The following ABR variants were observed in gnomAD, a reference collection of about 807,000 sequenced individuals.
ABR encodes the protein ABR activator of RhoGEF and GTPase.
A neutral mutation model predicts 107.2 loss-of-function variants in ABR; 35 were observed. The observed-to-expected ratio is 0.33, with a 90% CI of 0.25 to 0.43. The LOEUF is 0.43. ABR is among the 20% of genes least tolerant of loss of function. The probability of loss-of-function intolerance (pLI) is 1.00; values close to 1 mark genes in which losing one functional copy is unlikely to be tolerated. For synonymous variants in ABR, 498 were observed against 462.0 expected, an observed-to-expected ratio of 1.08 and a Z score of -1.00; for missense variants, 815 against 1,115.2, an observed-to-expected ratio of 0.73 and a Z score of 3.83.
chr17:1,055,679 C>T (rs1028475394), intron 14 of ABR: 5 of 195,846 alleles, frequency 2.6e-5, no homozygotes, highest in Non-Finnish European at 5.4e-5. Context: ...AGGCGTCCAC[C>T]GCCATGCCCA....
intron 1 of ABR, chr17:1,153,834 G>C (rs979988938): frequency 1.4e-5 from 3 of 219,522 alleles, no homozygotes; most frequent in African/African-American, 4.8e-5. Context: ...CAGGTCTACC[G>C]AACCTGTCAG....
rs1184149080 is a variant in ABR at position 1,210,681 on chromosome 17, G to T, written c.838+18112C>A. Reference sequence around the variant, plus strand: ...CTGTTTCCTCTCTCTCTGCTTCCTGGCTCCTAACACAAAAGGATTACTTTA... The same window carrying T: ...CTGTTTCCTCTCTCTCTGCTTCCTGTCTCCTAACACAAAAGGATTACTTTA... On this transcript the variant is annotated intron_variant, in intron 1 of 22. Coordinates refer to the ABR transcript ENST00000574139. This position sits in a 1 kb window ranked among gnomAD's most constrained non-coding sequence, Gnocchi z 5.6. Among the ~76,000 whole-genome samples the T allele has an allele frequency of 1.3e-4, 20 of 152,076 alleles. No individual in the cohort carries two copies. The highest frequency in any genetic ancestry group is 1.5e-5 in the Non-Finnish European group (1 of 68,038).
At chr17:1,222,503 A>T (rs2043137301) in intron 1 of ABR, among the ~76,000 whole-genome samples, 1 of 152,218 alleles carries the variant, frequency 6.6e-6, no homozygotes, top group Non-Finnish European at 1.5e-5. Flanking sequence ...TCCTAGAGCA[A>T]CAATCTCATT....
chr17:1,165,983 G>A (rs1389235379), intron 1 of ABR, among the ~76,000 whole-genome samples: 9 of 72,220 alleles, frequency 1.2e-4, no homozygotes, highest in Non-Finnish European at 2.4e-4. Context: ...CCCACCCCCC[G>A]GAGTGTCCGC....
At chr17:1,054,946 G>A (rs2033090054) in intron 14 of ABR, among the ~76,000 whole-genome samples, 1 of 152,126 alleles carries the variant, frequency 6.6e-6, no homozygotes. Context: ...GAGAGAGTCA[G>A]GGTTTCTGAT....
intron 1 of ABR, among the ~76,000 whole-genome samples, chr17:1,176,083 C>T (rs1175467043): frequency 1.3e-5 from 2 of 150,994 alleles, no homozygotes; most frequent in Admixed American, 6.6e-5. Context: ...GGTGAAAGAG[C>T]GAGACTCCGT....
intron 13 of ABR, 55 bp downstream of exon 13, chr17:1,056,943 C>G: frequency 7.8e-7 from 1 of 1,281,952 alleles, no homozygotes; most frequent in Non-Finnish European, 1.1e-6. Flanking sequence ...GGAAGCCGGC[C>G]ACGCTCTGAG....
intron 1 of ABR, among the ~76,000 whole-genome samples, chr17:1,134,562 C>T (rs1333011532): frequency 6.6e-6 from 1 of 152,214 alleles, no homozygotes; most frequent in Non-Finnish European, 1.5e-5. Context: ...GGGTTTTCTG[C>T]TGCTTACAAT....
At chr17:1,076,714 CGGGGGG>C (rs376868048) in intron 6 of ABR, among the ~76,000 whole-genome samples, 1 of 42,140 alleles carries the variant, frequency 2.4e-5, no homozygotes, top group Admixed American at 2.6e-4. Flanking sequence ...GGCAGGTGCA[CGGGGGG>C]GGTGGGGGTG....
chr17:1,079,259 T>C, intron 6 of ABR, 71 bp downstream of exon 6: 3 of 1,568,280 alleles, frequency 1.9e-6, no homozygotes, highest in Non-Finnish European at 2.6e-6. Flanking sequence ...GGGCGCCGCG[T>C]TCACGCAGCC....
In ABR at chr17:1,144,923, G is replaced by A. The variant is rs149940139; in HGVS notation, c.62-19556C>T. ...AATTCCAGCTACTCGGGAGGCTGTG[G>A]CAGGAGAATCACTTGAACCCAGGAG... On this transcript the variant is annotated intron_variant, in intron 1 of 22. Coordinates refer to ENST00000302538, the MANE Select transcript of ABR (RefSeq NM_021962.5). Among the ~76,000 whole-genome samples, 688 of 152,248 alleles carry A rather than the reference G, an allele frequency of 4.5e-3. 35 individuals carry two copies. In the East Asian group the frequency reaches 0.11, roughly 24 times the overall value.
At position 1,136,392 on chromosome 17, in the gene ABR, C is replaced by T. The variant is rs770497707; in HGVS notation, c.62-11025G>A. Among the ~76,000 whole-genome samples, 35 of 152,292 alleles carry T rather than the reference C, an allele frequency of 2.3e-4. 1 individual carries two copies. In the Middle Eastern group the frequency reaches 0.02, roughly 89 times the overall value. ...TACAGATGTGCACCACCAGGCCTGG[C>T]TGATTTTTGTATTTTTAGTAAAGAC... On this transcript the variant is annotated intron_variant, in intron 1 of 22. Transcript: ENST00000302538.
chr17:1,036,789 C>T (rs1213475949), intron 16 of ABR, among the ~76,000 whole-genome samples: 1 of 152,112 alleles, frequency 6.6e-6, no homozygotes, highest in Admixed American at 6.5e-5. Flanking sequence ...TGTACCGACC[C>T]TAACCAAAAC....
In ABR at chr17:1,087,564, AG is replaced by A. The variant is rs1237993692; in HGVS notation, c.532-3938del. Among the ~76,000 whole-genome samples the A allele has an allele frequency of 8.1e-4, 44 of 54,420 alleles. No homozygotes were observed. The East Asian group carries it at 0.014, about 18-fold the overall frequency. 35.7% of individuals were successfully genotyped at this position (54,420 alleles called of 152,430 possible). On this transcript the variant is annotated intron_variant, in intron 4 of 22. Coordinates refer to ENST00000302538, the MANE Select transcript of ABR (RefSeq NM_021962.5). The stretch of plus-strand genomic sequence containing the variant: ...AAAGAGGGCGGGGCCTGAGTTTTAA[AG>A]GGGGTGGGGCCTGACCTTAAAAGGG...
intron 1 of ABR, among the ~76,000 whole-genome samples, chr17:1,173,499 G>A (rs903328275): frequency 6.6e-6 from 1 of 151,586 alleles, no homozygotes; most frequent in Non-Finnish European, 1.5e-5. Context: ...AACAGCTGCC[G>A]CCAACGCTGG....
chr17:1,006,679 G>A (rs901382384), intron 22 of ABR, among the ~76,000 whole-genome samples: 4 of 152,166 alleles, frequency 2.6e-5, no homozygotes, highest in East Asian at 1.9e-4. Context: ...AGCTTCCCAC[G>A]AGGGAAGAGG....
chr17:1,079,062 G>GGGTA, intron 6 of ABR: 1 of 1,434,622 alleles, frequency 7.0e-7, no homozygotes. Flanking sequence ...AGGGGAGGAG[G>GGGTA]GGTAGGGAGG....
chr17:1,074,845 C>T, intron 6 of ABR, among the ~76,000 whole-genome samples: 1 of 152,188 alleles, frequency 6.6e-6, no homozygotes. Context: ...ATTTGGGAGG[C>T]TGAGGCAGGG....
intron 16 of ABR, among the ~76,000 whole-genome samples, chr17:1,034,553 G>A (rs544115394): frequency 6.6e-6 from 1 of 152,168 alleles, no homozygotes; most frequent in African/African-American, 2.4e-5. Flanking sequence ...TCCAGCTGGA[G>A]GCAACTGGGG....
Sources: allele counts gnomAD v4.1 joint callset (sites outside exome capture counted in the v4.1 genomes callset), GRCh38; gene constraint gnomAD v4.1.1; non-coding constraint Gnocchi (gnomAD v3.1); transcripts MANE v1.5; gene names NCBI Gene and HGNC (gene_info 2026-07-23, HGNC 2026-07-21).